Variants in SLC14A2 observed in about 807,000 individuals in gnomAD.
The protein encoded by SLC14A2 is urea transporter 2.
Under a neutral mutation model 104.6 loss-of-function variants are expected in SLC14A2, and 91 were observed. The observed-to-expected ratio is 0.87, with a 90% CI of 0.73 to 1.04. The LOEUF is 1.04. Ranked by LOEUF, SLC14A2 falls within the 50% of genes least tolerant of loss-of-function variation. SLC14A2 has a pLI of 0.00. For missense variants in SLC14A2, 1,189 were observed against 1,156.0 expected, an observed-to-expected ratio of 1.03 and a Z score of -0.41; for synonymous variants, 476 against 466.4, an observed-to-expected ratio of 1.02 and a Z score of -0.27.
At chr18:45,259,005 A>G (rs1024457493) in intron 1 of SLC14A2, among the ~76,000 whole-genome samples, 3 of 152,210 alleles carry the variant, frequency 2.0e-5, no homozygotes, top group African/African-American at 7.2e-5. Flanking sequence ...GTCCCTTCAT[A>G]TGCTGACACT....
At chr18:45,233,128 G>C (rs1599595000) in intron 1 of SLC14A2, among the ~76,000 whole-genome samples, 1 of 152,138 alleles carries the variant, frequency 6.6e-6, no homozygotes, top group East Asian at 1.9e-4. Context: ...CATTGTGAAT[G>C]GTTCAACAAT....
intron 1 of SLC14A2, among the ~76,000 whole-genome samples, chr18:45,395,861 C>G (rs2086024187): frequency 6.6e-6 from 1 of 152,152 alleles, no homozygotes; most frequent in Non-Finnish European, 1.5e-5. Context: ...TAACTATTCT[C>G]TCTGCCCTCA....
intron 2 of SLC14A2, among the ~76,000 whole-genome samples, chr18:45,591,106 C>T (rs1240166193): frequency 1.3e-5 from 2 of 152,128 alleles, no homozygotes; most frequent in East Asian, 3.9e-4. Context: ...TCTTAACTCT[C>T]CCTCTTCTCA....
intron 18 of SLC14A2, among the ~76,000 whole-genome samples, chr18:45,674,418 T>C (rs1430330030): frequency 1.3e-5 from 2 of 152,158 alleles, no homozygotes; most frequent in Admixed American, 1.3e-4. Context: ...CTCGGGAAGA[T>C]GTTCTGGATC....
At chr18:45,213,966 T>C (rs1347578099) in intron 1 of SLC14A2, among the ~76,000 whole-genome samples, 2 of 152,118 alleles carry the variant, frequency 1.3e-5, no homozygotes, top group Non-Finnish European at 2.9e-5. Context: ...ATATGATCAA[T>C]AGAAATGGCC....
rs1022912790 is a variant in SLC14A2 at position 45,626,859 on chromosome 18, C to T, written c.332-99C>T. ...CCTGGCTGAATGGGAAGGGTCCTGGCTTGCACATTCCTGTTTGCCTTGGTT... is the reference window on the plus strand; with the variant it reads ...CCTGGCTGAATGGGAAGGGTCCTGGTTTGCACATTCCTGTTTGCCTTGGTT... On this transcript the variant is annotated intron_variant, in intron 3 of 19. Transcript: ENST00000255226. The T allele has an allele frequency of 1.8e-5, 13 of 713,152 alleles. No individual in the cohort carries two copies. The African/African-American group carries it at 2.2e-4, about 12-fold the overall frequency. The allele number at this position is 713,152 out of a possible 1,614,324, so 44.2% of individuals were successfully genotyped here. A position where few individuals can be genotyped will look rare whatever the true frequency, so the allele number is the denominator to read the frequency against.
rs780898707 is a variant in SLC14A2 at position 45,632,377 on chromosome 18, G to A, written c.549G>A (p.Gly183=). ...CTGCCATTGCCTCAGGACTCCATGG[G>A]TACAACGGGATGCTGGTGGGACTGC... The part of the protein sequence containing the change: ...DRSAIASGLH[G]YNGMLVGLLM... The change falls in exon 5 of 20, where the codon GGG becomes GGA. Residue 183 remains glycine, a synonymous_variant. Coordinates refer to ENST00000255226, the MANE Select transcript of SLC14A2 (RefSeq NM_007163.4). 1.2e-6 allele frequency: 2 copies of A among 1,613,902 alleles called. No individual in the cohort carries two copies. The highest frequency in any genetic ancestry group is 2.2e-5 in the South Asian group (2 of 91,050).
chr18:45,642,866 T>C (rs534791213), intron 8 of SLC14A2, among the ~76,000 whole-genome samples: 1 of 152,216 alleles, frequency 6.6e-6, no homozygotes, highest in African/African-American at 2.4e-5. Context: ...AAGGCCACTA[T>C]GGAAGCAGGG....
At chr18:45,314,628 T>TC (rs1180654046) in intron 1 of SLC14A2, among the ~76,000 whole-genome samples, 1 of 152,170 alleles carries the variant, frequency 6.6e-6, no homozygotes, top group Non-Finnish European at 1.5e-5. Flanking sequence ...AAATAAGGGG[T>TC]ATCTGTCCTG....
rs542984613 is a variant in SLC14A2 at position 45,682,478 on chromosome 18, G to T, written c.2722G>T (p.Ala908Ser). The change falls in exon 20 of 20, where the codon GCA becomes TCA. Residue 908 changes from alanine to serine, a missense_variant. Ala to Ser is a moderately conservative substitution (Grantham distance 99). Transcript: ENST00000255226. ...CCTGTCCCAGGAGAGAAACAGAAGGGCATCAATCATAACAAAGTATCAGGC... is the reference window on the plus strand; with the variant it reads ...CCTGTCCCAGGAGAGAAACAGAAGGTCATCAATCATAACAAAGTATCAGGC... ...YYLSQERNRR[A>S]SIITKYQAYD... is the part of the protein sequence containing the mutation. 1.2e-6 allele frequency: 2 copies of T among 1,614,148 alleles called. No individual in the cohort carries two copies. The highest frequency in any genetic ancestry group is 2.2e-5 in the South Asian group (2 of 91,078).
upstream of SLC14A2, among the ~76,000 whole-genome samples, chr18:45,612,884 ACT>A (rs754948312): frequency 6.6e-6 from 1 of 151,044 alleles, no homozygotes; most frequent in Non-Finnish European, 1.5e-5. Flanking sequence ...CTTCTCACAC[ACT>A]CTCTCTCTCC....
intron 2 of SLC14A2, among the ~76,000 whole-genome samples, chr18:45,550,638 G>A (rs9967463): frequency 6.4e-4 from 97 of 152,268 alleles, no homozygotes; most frequent in African/African-American, 2.2e-3. Context: ...GCCCCTCATG[G>A]CTCTCGACAG....
At chr18:45,488,124 T>C (rs537910651) in intron 2 of SLC14A2, among the ~76,000 whole-genome samples, 1 of 152,166 alleles carries the variant, frequency 6.6e-6, no homozygotes. Flanking sequence ...GTGTTTCATC[T>C]ATAGTGTAAG....
intron 1 of SLC14A2, among the ~76,000 whole-genome samples, chr18:45,408,655 A>G (rs2086182293): frequency 6.6e-6 from 1 of 152,200 alleles, no homozygotes; most frequent in South Asian, 2.1e-4. Context: ...ACAGCGGGGA[A>G]GTCTGCAATT....
At chr18:45,487,887 C>A (rs1193168870) in intron 2 of SLC14A2, among the ~76,000 whole-genome samples, 1 of 152,164 alleles carries the variant, frequency 6.6e-6, no homozygotes, top group East Asian at 1.9e-4. Context: ...GCTGGTGTAA[C>A]TAAGTCAGCT....
intron 10 of SLC14A2, among the ~76,000 whole-genome samples, chr18:45,662,168 T>A (rs2045946901): frequency 6.6e-6 from 1 of 152,178 alleles, no homozygotes; most frequent in Non-Finnish European, 1.5e-5. Flanking sequence ...CCGGGTGTGA[T>A]GGTGGGCACC....
At chr18:45,500,306 G>A (rs968998214) in intron 2 of SLC14A2, among the ~76,000 whole-genome samples, 4 of 151,828 alleles carry the variant, frequency 2.6e-5, no homozygotes, top group South Asian at 2.1e-4. Flanking sequence ...GGCCGGGCGC[G>A]GTGGCTCACG....
intron 1 of SLC14A2, among the ~76,000 whole-genome samples, chr18:45,478,541 C>A (rs569224222): frequency 1.3e-5 from 2 of 152,352 alleles, no homozygotes; most frequent in African/African-American, 4.8e-5. Flanking sequence ...TCATTACCTT[C>A]TTTTCTTGCA....
intron 1 of SLC14A2, among the ~76,000 whole-genome samples, chr18:45,317,922 T>A (rs923644309): frequency 6.6e-6 from 1 of 152,180 alleles, no homozygotes; most frequent in Non-Finnish European, 1.5e-5. Flanking sequence ...ATGAGGCTCA[T>A]GCTTCATGAG....
Sources: allele counts gnomAD v4.1 joint callset (sites outside exome capture counted in the v4.1 genomes callset), GRCh38; gene constraint gnomAD v4.1.1; transcripts MANE v1.5; gene names NCBI Gene and HGNC (gene_info 2026-07-23, HGNC 2026-07-21).